The following PCDH15 variants were observed in gnomAD, a reference collection of about 807,000 sequenced individuals.
PCDH15 encodes the protein protocadherin related 15.
In PCDH15, 129 loss-of-function variants were observed where a neutral mutation model predicts 178.5. The ratio of observed to expected loss-of-function variants is 0.72; its 90% CI spans 0.63 to 0.84. PCDH15 has a LOEUF of 0.84. Among genes scored for constraint, PCDH15 ranks in the 40% least tolerant of loss-of-function variants. The probability of loss-of-function intolerance (pLI) is 0.00; values close to 1 mark genes in which losing one functional copy is unlikely to be tolerated. For synonymous variants in PCDH15, 800 were observed against 732.0 expected, an observed-to-expected ratio of 1.09 and a Z score of -1.50; for missense variants, 2,230 against 2,099.9, an observed-to-expected ratio of 1.06 and a Z score of -1.21.
intron 1 of PCDH15, among the ~76,000 whole-genome samples, chr10:55,177,045 A>G (rs950185786): frequency 9.2e-5 from 14 of 152,218 alleles, no homozygotes; most frequent in African/African-American, 3.4e-4. Context: ...TCTAGCTGAC[A>G]GAAGATGTAA....
chr10:54,121,462 T>C (rs1008867475), intron 15 of PCDH15, among the ~76,000 whole-genome samples: 2 of 151,998 alleles, frequency 1.3e-5, no homozygotes, highest in African/African-American at 4.8e-5. Context: ...CAAATGAAAT[T>C]GAGACCCAAA....
rs563168946 is a variant in PCDH15, at chr10:54,075,551, G to A, written c.2091+3780C>T. Among the ~76,000 whole-genome samples the A allele has an allele frequency of 5.3e-5, 8 of 151,814 alleles. No homozygotes were observed. The South Asian group carries it at 1.7e-3, about 32-fold the overall frequency. On this transcript the variant is annotated intron_variant, in intron 17 of 37. Transcript: ENST00000644397. ...TTTTGTTGTTGTTGTCTGTGTCTTT[G>A]GGGTCATAGCCAATAAATCCCTGAC...
At chr10:54,201,150 T>C (rs1461255772) in intron 10 of PCDH15, among the ~76,000 whole-genome samples, 1 of 152,176 alleles carries the variant, frequency 6.6e-6, no homozygotes. Context: ...TGGATAGATA[T>C]GGAAAAAGTG....
At chr10:55,209,580 C>A (rs1840505379) in intron 1 of PCDH15, among the ~76,000 whole-genome samples, 1 of 151,768 alleles carries the variant, frequency 6.6e-6, no homozygotes, top group Non-Finnish European at 1.5e-5. Context: ...TTGGTTTGGA[C>A]ATATGAAAAT....
intron 6 of PCDH15, among the ~76,000 whole-genome samples, chr10:54,343,805 TA>T (rs1277828749): frequency 6.7e-6 from 1 of 149,976 alleles, no homozygotes; most frequent in African/African-American, 2.5e-5. Context: ...TAATAAAAAA[TA>T]AAAAATAAAA....
At chr10:55,040,493 C>G (rs1202421744) in intron 2 of PCDH15, among the ~76,000 whole-genome samples, 2 of 134,370 alleles carry the variant, frequency 1.5e-5, no homozygotes, top group East Asian at 4.6e-4. Flanking sequence ...ACCAAAACAA[C>G]TACAACAACA....
At chr10:55,478,710 G>T (rs571965095) in intron 2 of PCDH15, among the ~76,000 whole-genome samples, 3 of 150,522 alleles carry the variant, frequency 2.0e-5, no homozygotes, top group African/African-American at 7.3e-5. Context: ...TAAAGAGTTG[G>T]GCTTTTAAGA....
At chr10:54,599,998 C>T in intron 2 of PCDH15, 1 of 1,339,946 alleles carries the variant, frequency 7.5e-7, no homozygotes, top group Non-Finnish European at 1.0e-6. Flanking sequence ...GCCAAAATCA[C>T]CAAAGGAAGA....
Position 54,548,203 on chromosome 10 carries a change from C to T in PCDH15, c.92-20326G>A, listed in dbSNP as rs1048662458. Among the ~76,000 whole-genome samples, 6 of 145,872 alleles carry T rather than the reference C, an allele frequency of 4.1e-5. No individual in the cohort carries two copies. The East Asian group carries it at 7.9e-4, about 19-fold the overall frequency. ...TATATTTATATTTTATATGTATATA[C>T]TTATATATTTTATACATATATAAAA... On this transcript the variant is annotated intron_variant, in intron 2 of 37. Transcript: ENST00000644397.
At chr10:55,468,097 C>G (rs1367166057) in intron 2 of PCDH15, among the ~76,000 whole-genome samples, 1 of 150,930 alleles carries the variant, frequency 6.6e-6, no homozygotes, top group Non-Finnish European at 1.5e-5. Flanking sequence ...TGTGAATTGT[C>G]AGAAATGTGT....
intron 2 of PCDH15, among the ~76,000 whole-genome samples, chr10:54,932,784 G>C (rs182756232): frequency 3.9e-5 from 6 of 152,072 alleles, no homozygotes; most frequent in Non-Finnish European, 7.4e-5. Flanking sequence ...TGATCCACCC[G>C]CCTCGGCCTC....
intron 18 of PCDH15, among the ~76,000 whole-genome samples, chr10:54,055,258 T>C (rs2093860940): frequency 6.6e-6 from 1 of 152,202 alleles, no homozygotes; most frequent in East Asian, 1.9e-4. Flanking sequence ...TACATTTGTG[T>C]TTTAAGTTAA....
intron 2 of PCDH15, among the ~76,000 whole-genome samples, chr10:55,128,111 A>G (rs1291885849): frequency 2.0e-5 from 3 of 152,014 alleles, no homozygotes; most frequent in Non-Finnish European, 4.4e-5. Flanking sequence ...GCCACTTTTT[A>G]TGATCTAACG....
At chr10:54,577,795 G>A (rs1930158) in intron 2 of PCDH15, among the ~76,000 whole-genome samples, 115,893 of 151,500 alleles carry the variant, frequency 0.76, 44,551 homozygotes, top group East Asian at 0.84. Context: ...AACAGTAGGT[G>A]AAGGAGTTCT....
At chr10:55,627,766 T>C (rs1837562765) in intron 1 of PCDH15, 1 of 151,540 alleles carries the variant, frequency 6.6e-6, no homozygotes, top group African/African-American at 2.4e-5. Flanking sequence ...AGTTACCAAT[T>C]GAGAAAAAAA....
At chr10:55,049,143 A>G (rs1307784633) in intron 2 of PCDH15, among the ~76,000 whole-genome samples, 7 of 152,000 alleles carry the variant, frequency 4.6e-5, no homozygotes, top group African/African-American at 1.7e-4. Flanking sequence ...GTGGTCACAA[A>G]GTCTTAAATT....
intron 1 of PCDH15, among the ~76,000 whole-genome samples, chr10:55,283,987 A>G (rs1251041562): frequency 6.6e-6 from 1 of 152,156 alleles, no homozygotes; most frequent in Non-Finnish European, 1.5e-5. Context: ...GGCTTTGTAT[A>G]TTACAGTGCT....
intron 2 of PCDH15, among the ~76,000 whole-genome samples, chr10:55,408,735 A>G (rs1279321504): frequency 6.6e-6 from 1 of 152,130 alleles, no homozygotes; most frequent in African/African-American, 2.4e-5. Context: ...AACATACTGG[A>G]AATCACCATT....
chr10:54,489,326 C>T (rs1036844223), intron 3 of PCDH15, among the ~76,000 whole-genome samples: 2 of 150,092 alleles, frequency 1.3e-5, no homozygotes, highest in Non-Finnish European at 3.0e-5. Context: ...TAGAAAAATA[C>T]AATTTAGTGT....
Sources: gnomAD v4.1 joint callset for allele counts (sites outside exome capture counted in the v4.1 genomes callset) on GRCh38, gnomAD v4.1.1 for gene constraint, MANE v1.5 for transcripts, NCBI Gene and HGNC (gene_info 2026-07-23, HGNC 2026-07-21) for gene names.